Variants in MDGA2 observed in about 807,000 individuals in gnomAD.
The protein encoded by MDGA2 is MAM domain-containing glycosylphosphatidylinositol anchor protein 2.
A neutral mutation model predicts 117.8 loss-of-function variants in MDGA2; 40 were observed. The ratio of observed to expected loss-of-function variants is 0.34; its 90% CI spans 0.26 to 0.44. The LOEUF (loss-of-function observed/expected upper bound fraction) is 0.44, where lower values mean the gene tolerates loss of function less well. MDGA2 is among the 20% of genes least tolerant of loss of function. MDGA2 has a pLI of 1.00. For missense variants in MDGA2, 1,123 were observed against 1,250.6 expected (o/e 0.90, Z 1.54); for synonymous variants, 452 against 439.0 (o/e 1.03, Z -0.37).
chr14:47,262,934 A>C (rs574065054), intron 2 of MDGA2, among the ~76,000 whole-genome samples: 5 of 152,292 alleles, frequency 3.3e-5, no homozygotes, highest in African/African-American at 1.2e-4. Context: ...ATCATAATAC[A>C]TAAATTAATC....
chr14:47,105,917 T>G (rs998005132), intron 5 of MDGA2, among the ~76,000 whole-genome samples: 3 of 151,522 alleles, frequency 2.0e-5, no homozygotes, highest in Non-Finnish European at 2.9e-5. Flanking sequence ...CCCTATAATC[T>G]TTTTATCACC....
chr14:47,223,157 G>A (rs899566226), intron 2 of MDGA2, among the ~76,000 whole-genome samples: 8 of 152,146 alleles, frequency 5.3e-5, no homozygotes, highest in South Asian at 2.1e-4. Flanking sequence ...GGGAAAGATC[G>A]GATCCCATGT....
At chr14:47,370,014 T>C (rs1349867716) in intron 1 of MDGA2, among the ~76,000 whole-genome samples, 1 of 152,036 alleles carries the variant, frequency 6.6e-6, no homozygotes, top group Non-Finnish European at 1.5e-5. Flanking sequence ...AAAAAATAAA[T>C]CTTCAATAAT....
At chr14:47,460,550 T>C (rs1893461553) in intron 1 of MDGA2, among the ~76,000 whole-genome samples, 1 of 152,098 alleles carries the variant, frequency 6.6e-6, no homozygotes, top group African/African-American at 2.4e-5. Context: ...ATATAAATTT[T>C]TGCAAAATTC....
At chr14:47,466,692 G>A (rs995716924) in intron 1 of MDGA2, among the ~76,000 whole-genome samples, 1 of 152,106 alleles carries the variant, frequency 6.6e-6, no homozygotes, top group Non-Finnish European at 1.5e-5. Flanking sequence ...TTATTTCAAA[G>A]TGAAGTCTAC....
intron 15 of MDGA2, among the ~76,000 whole-genome samples, chr14:46,853,993 G>A (rs1881164507): frequency 6.6e-6 from 1 of 151,646 alleles, no homozygotes; most frequent in Admixed American, 6.6e-5. Flanking sequence ...TTATATATCT[G>A]TAGATAATTA....
intron 3 of MDGA2, among the ~76,000 whole-genome samples, chr14:47,192,145 T>C (rs531859879): frequency 1.3e-5 from 2 of 152,314 alleles, no homozygotes; most frequent in South Asian, 4.1e-4. Context: ...AAGTGTGAGA[T>C]GGACTAAGAG....
chr14:47,114,935 C>A (rs1212221290), intron 5 of MDGA2, among the ~76,000 whole-genome samples: 1 of 143,216 alleles, frequency 7.0e-6, no homozygotes, highest in African/African-American at 2.7e-5. Flanking sequence ...CCCGAGTAAT[C>A]CAAAGAGCTT....
At chr14:47,508,273 G>T (rs897304012) in intron 1 of MDGA2, among the ~76,000 whole-genome samples, 3 of 151,428 alleles carry the variant, frequency 2.0e-5, no homozygotes, top group Admixed American at 2.0e-4. Context: ...CCTTTATTAA[G>T]GAGCATGCTT....
Position 46,915,522 on chromosome 14 carries a change from T to G in MDGA2, c.2238+4490A>C, listed in dbSNP as rs1291744193. 2.0e-5 allele frequency among the ~76,000 whole-genome samples: 3 copies of G among 152,170 alleles called. No homozygotes were observed. The South Asian group carries it at 6.2e-4, about 32-fold the overall frequency. ...TCCTATCACTCATTTACCAAACAAA[T>G]CAACAGATTTTTTTAAAGGTTAGTT... is the stretch of plus-strand genomic sequence containing the variant. On this transcript the variant is annotated intron_variant, in intron 10 of 16. Coordinates refer to ENST00000399232, the MANE Select transcript of MDGA2 (RefSeq NM_001113498.3).
chr14:47,272,373 C>A (rs1888174090), intron 2 of MDGA2, among the ~76,000 whole-genome samples: 1 of 151,988 alleles, frequency 6.6e-6, no homozygotes, highest in Admixed American at 6.6e-5. Context: ...TCTCTGATAC[C>A]AGTTATGTCA....
Position 46,860,574 on chromosome 14 carries a change from T to G in MDGA2, c.2753-5420A>C, listed in dbSNP as rs1881467710. 1.3e-5 allele frequency among the ~76,000 whole-genome samples: 2 copies of G among 151,992 alleles called. 1 individual carries two copies. Among genetic ancestry groups the G allele is most frequent in the Admixed American group, 1.3e-4 (2 of 15,264 alleles). Reference sequence around the variant, plus strand: ...TTCACTTTTTGCTTCAAAATTACCTTCTATCATTTTTCCTCTTCAGGGTAA... The same window carrying G: ...TTCACTTTTTGCTTCAAAATTACCTGCTATCATTTTTCCTCTTCAGGGTAA... On this transcript the variant is annotated intron_variant, in intron 14 of 16. Coordinates refer to ENST00000399232, the MANE Select transcript of MDGA2 (RefSeq NM_001113498.3).
At chr14:47,648,434 T>A (rs1897576818) in intron 1 of MDGA2, among the ~76,000 whole-genome samples, 1 of 152,154 alleles carries the variant, frequency 6.6e-6, no homozygotes. Flanking sequence ...ACAAAAACCA[T>A]TTTTATAGTT....
intron 6 of MDGA2, among the ~76,000 whole-genome samples, chr14:47,083,374 C>T (rs1424196523): frequency 6.6e-6 from 1 of 151,810 alleles, no homozygotes; most frequent in Non-Finnish European, 1.5e-5. Flanking sequence ...TAAAAACATA[C>T]ACTTAAAAAT....
chr14:47,268,765 G>A (rs1049995515), intron 2 of MDGA2, among the ~76,000 whole-genome samples: 15 of 152,072 alleles, frequency 9.9e-5, no homozygotes, highest in Non-Finnish European at 2.1e-4. Context: ...AAACTCTACT[G>A]CAAACTATGT....
At chr14:47,123,307 C>T (rs1402737065) in intron 5 of MDGA2, among the ~76,000 whole-genome samples, 1 of 152,038 alleles carries the variant, frequency 6.6e-6, no homozygotes, top group Non-Finnish European at 1.5e-5. Flanking sequence ...ATGCAAACTT[C>T]CTTTTATGAC....
At chr14:46,964,919 C>CTTTTTTTTT (rs746778179) in intron 8 of MDGA2, among the ~76,000 whole-genome samples, 1,026 of 89,762 alleles carry the variant, frequency 0.011, 180 homozygotes, top group African/African-American at 0.043. Context: ...TATATATTTA[C>CTTTTTTTTT]TTTTTTTTTT....
chr14:47,584,492 C>T (rs540721915), intron 1 of MDGA2, among the ~76,000 whole-genome samples: 2 of 151,748 alleles, frequency 1.3e-5, no homozygotes, highest in African/African-American at 4.8e-5. Flanking sequence ...ACTGTTCTGT[C>T]GTTGTAGTAC....
chr14:46,946,459 C>A (rs1885175056), intron 9 of MDGA2, among the ~76,000 whole-genome samples: 1 of 151,910 alleles, frequency 6.6e-6, no homozygotes, highest in East Asian at 1.9e-4. Flanking sequence ...TGCTTGTGAA[C>A]TGATATTGCA....
Sources: allele counts gnomAD v4.1 joint callset (sites outside exome capture counted in the v4.1 genomes callset), GRCh38; gene constraint gnomAD v4.1.1; transcripts MANE v1.5; gene names NCBI Gene and HGNC (gene_info 2026-07-23, HGNC 2026-07-21).